SLC49A4: variants seen among roughly 807,000 people sequenced by gnomAD.
SLC49A4 encodes the protein solute carrier family 49 member 4.
A neutral mutation model predicts 50.6 loss-of-function variants in SLC49A4; 36 were observed. The observed-to-expected ratio is 0.71, with a 90% CI of 0.55 to 0.94. The LOEUF (loss-of-function observed/expected upper bound fraction) is 0.94. Ranked by LOEUF, SLC49A4 falls within the 40% of genes least tolerant of loss-of-function variation. The probability of loss-of-function intolerance (pLI) is 0.00; values close to 1 mark genes in which losing one functional copy is unlikely to be tolerated. For synonymous variants in SLC49A4, 248 were observed against 241.2 expected (o/e 1.03, Z -0.26); for missense variants, 503 against 605.7 (o/e 0.83, Z 1.78).
At chr3:122,827,141 CAG>C in intron 3 of SLC49A4, 76 bp downstream of exon 3, 1 of 1,465,130 alleles carries the variant, frequency 6.8e-7, no homozygotes, top group Non-Finnish European at 9.3e-7. Context: ...TTTTGTATAA[CAG>C]ATACCTTCAT....
intron 2 of SLC49A4, among the ~76,000 whole-genome samples, 194 bp downstream of exon 2, chr3:122,807,144 T>C (rs1936231230): frequency 6.6e-6 from 1 of 152,080 alleles, no homozygotes; most frequent in South Asian, 2.1e-4. Context: ...CAAGTTAATC[T>C]TCATATTGTC....
chr3:122,805,607 A>G (rs138593034), intron 1 of SLC49A4, among the ~76,000 whole-genome samples: 86 of 152,364 alleles, frequency 5.6e-4, no homozygotes, highest in African/African-American at 2.0e-3. Flanking sequence ...AATTTGAAGC[A>G]ATGTGGCCAC....
rs762674304 is a variant in SLC49A4 at position 122,879,286 on chromosome 3, C to T, written c.1345C>T (p.Leu449Phe). Residue 449 changes from leucine to phenylalanine, a missense_variant, in exon 9 of 9, where the codon CTT becomes TTT. Physicochemically the swap from Leu to Phe is conservative, Grantham distance 22. Coordinates refer to ENST00000261038, the MANE Select transcript of SLC49A4 (RefSeq NM_032839.3). ...AGAGTTGTCTTGGTTCAACTGGTGC[C>T]TTCCCGGGTCGTGTTTGCTCAGTCT... Reference protein sequence around the residue: ...HTELSWFNWCLPGSCLLSLLL... With the variant: ...HTELSWFNWCFPGSCLLSLLL... 6.2e-7 allele frequency: 1 copy of T among 1,613,996 alleles called. No individual in the cohort carries two copies.
Position 122,795,205 on chromosome 3 carries a change from T to G in SLC49A4, c.13T>G (p.Trp5Gly). 1 of 1,329,230 alleles carries G rather than the reference T, an allele frequency of 7.5e-7. No individual in the cohort carries two copies. The highest frequency in any genetic ancestry group is 1.5e-5 in the African/African-American group (1 of 64,758). 82.3% of individuals were successfully genotyped at this position (1,329,230 alleles called of 1,614,324 possible). A position where few individuals can be genotyped will look rare whatever the true frequency, so the allele number is the denominator to read the frequency against. Residue 5 changes from tryptophan (W) to glycine (G), a missense_variant, in exon 1 of 9, where the codon TGG (tryptophan) becomes GGG (glycine). Physicochemically the swap from Trp to Gly is radical, Grantham distance 184. Coordinates refer to ENST00000261038, the MANE Select transcript of SLC49A4 (RefSeq NM_032839.3). The stretch of plus-strand genomic sequence containing the variant: ...GCGACGCGTCGCCATGGGCTCTCGC[T>G]GGAGCAGCGAAGAGGAGAGGCAGCC... MGSR[W>G]SSEEERQPLL... is the part of the protein sequence containing the mutation.
chr3:122,795,979 T>C (rs1417569664), intron 1 of SLC49A4, among the ~76,000 whole-genome samples: 1 of 152,208 alleles, frequency 6.6e-6, no homozygotes, highest in Non-Finnish European at 1.5e-5. Flanking sequence ...TTTTGTGTAA[T>C]AGATGACTCC....
intron 8 of SLC49A4, among the ~76,000 whole-genome samples, chr3:122,878,314 C>T (rs776900634): frequency 3.3e-5 from 5 of 152,168 alleles, no homozygotes; most frequent in Non-Finnish European, 4.4e-5. Flanking sequence ...AAACTAGAAA[C>T]GTTGTCCCCA....
rs1252722755 is a variant in SLC49A4, at chr3:122,822,960, G to A, written c.438-3840G>A. On this transcript the variant is annotated intron_variant, in intron 2 of 8. Coordinates refer to ENST00000261038, the MANE Select transcript of SLC49A4 (RefSeq NM_032839.3). ...ACCTTAACGGTTCTCCAGACCATCC[G>A]CCCTCCACCTCCCCACTGTGTTGCC... 2.6e-5 allele frequency among the ~76,000 whole-genome samples: 4 copies of A among 152,068 alleles called. No homozygotes were observed. The South Asian group carries it at 6.2e-4, about 24-fold the overall frequency.
intron 7 of SLC49A4, among the ~76,000 whole-genome samples, chr3:122,868,568 G>A (rs918721088): frequency 6.6e-6 from 1 of 152,202 alleles, no homozygotes; most frequent in Non-Finnish European, 1.5e-5. Flanking sequence ...TCAAATGGAA[G>A]TCAAATTCAG....
intron 3 of SLC49A4, among the ~76,000 whole-genome samples, chr3:122,829,406 A>G (rs994400789): frequency 6.6e-6 from 1 of 152,250 alleles, no homozygotes; most frequent in African/African-American, 2.4e-5. Flanking sequence ...GAAACAATCA[A>G]TGAATTAGGA....
At chr3:122,876,703 A>T (rs547142987) in intron 8 of SLC49A4, among the ~76,000 whole-genome samples, 5 of 152,340 alleles carry the variant, frequency 3.3e-5, no homozygotes, top group African/African-American at 1.2e-4. Flanking sequence ...AAGTGGTAGA[A>T]ACCGAAAGCG....
chr3:122,875,704 T>G (rs1937258379), intron 8 of SLC49A4, among the ~76,000 whole-genome samples: 1 of 152,126 alleles, frequency 6.6e-6, no homozygotes, highest in Admixed American at 6.6e-5. Flanking sequence ...TTAAGTCACT[T>G]CTCAAGGAAG....
chr3:122,868,898 C>T (rs1017660720), intron 7 of SLC49A4, among the ~76,000 whole-genome samples: 2 of 152,174 alleles, frequency 1.3e-5, no homozygotes, highest in Non-Finnish European at 2.9e-5. Context: ...GTTTATCCTA[C>T]ATATAGTAGC....
intron 5 of SLC49A4, among the ~76,000 whole-genome samples, chr3:122,855,463 C>A (rs1428529824): frequency 1.3e-5 from 2 of 152,090 alleles, no homozygotes; most frequent in East Asian, 3.9e-4. Flanking sequence ...CTTATTTAAC[C>A]CTCAGAAAAA....
At chr3:122,830,941 A>T (rs1341795446) in intron 3 of SLC49A4, among the ~76,000 whole-genome samples, 3 of 152,174 alleles carry the variant, frequency 2.0e-5, no homozygotes, top group Non-Finnish European at 4.4e-5. Context: ...CAACAGAAAG[A>T]CAACGCCATT....
intron 2 of SLC49A4, among the ~76,000 whole-genome samples, chr3:122,821,397 G>A (rs77360650): frequency 3.9e-5 from 6 of 152,104 alleles, no homozygotes. Flanking sequence ...GGGAGTTGGG[G>A]GCCGTGGGTT....
chr3:122,819,161 C>T (rs1936417427), intron 2 of SLC49A4, among the ~76,000 whole-genome samples: 1 of 148,434 alleles, frequency 6.7e-6, no homozygotes, highest in Admixed American at 6.9e-5. Flanking sequence ...GGGAGGATCA[C>T]TTGAGCCCAG....
chr3:122,870,616 C>T (rs1470724604), intron 7 of SLC49A4, among the ~76,000 whole-genome samples: 1 of 150,274 alleles, frequency 6.7e-6, no homozygotes. Context: ...CGAGACCAGC[C>T]TGGCCAACAT....
chr3:122,836,649 G>T (rs1392353135), intron 4 of SLC49A4, among the ~76,000 whole-genome samples: 2 of 152,112 alleles, frequency 1.3e-5, no homozygotes, highest in Admixed American at 6.6e-5. Flanking sequence ...TTGAAAATGG[G>T]CATGAGACAG....
At chr3:122,832,312 G>A (rs973816375) in intron 3 of SLC49A4, among the ~76,000 whole-genome samples, 16 of 152,134 alleles carry the variant, frequency 1.1e-4, no homozygotes, top group African/African-American at 3.4e-4. Flanking sequence ...TCAAAAGCTG[G>A]AACTTCCAAG....
Sources: allele counts gnomAD v4.1 joint callset (sites outside exome capture counted in the v4.1 genomes callset), GRCh38; gene constraint gnomAD v4.1.1; transcripts MANE v1.5; gene names NCBI Gene and HGNC (gene_info 2026-07-23, HGNC 2026-07-21).